Variants in TBC1D19 observed in about 807,000 individuals in gnomAD.
TBC1D19 encodes the protein TBC1 domain family, member 19.
A neutral mutation model predicts 89.0 loss-of-function variants in TBC1D19; 60 were observed. The ratio of observed to expected loss-of-function variants is 0.67; its 90% CI spans 0.55 to 0.84. The LOEUF (loss-of-function observed/expected upper bound fraction) is 0.84. TBC1D19 is among the 40% of genes least tolerant of loss of function. The pLI is 0.00. For synonymous variants in TBC1D19, 189 were observed against 199.7 expected (o/e 0.95, Z 0.45); for missense variants, 500 against 610.8 (o/e 0.82, Z 1.91).
chr4:26,836,740 C>T, the TBC1D19 span, among the ~76,000 whole-genome samples: 7 of 152,204 alleles, frequency 4.6e-5, no homozygotes, highest in Non-Finnish European at 1.0e-4. Flanking sequence ...CAGGCAGAGG[C>T]AGCAGCTTTC....
At chr4:26,588,138 A>G (rs13133205) in intron 1 of TBC1D19, among the ~76,000 whole-genome samples, 129,993 of 150,960 alleles carry the variant, frequency 0.86, 59,127 homozygotes, top group Non-Finnish European at 1. Context: ...CCATTCTTCT[A>G]CCTCAGCCTC....
chr4:26,827,376 A>G, the TBC1D19 span, among the ~76,000 whole-genome samples: 1 of 152,164 alleles, frequency 6.6e-6, no homozygotes, highest in East Asian at 1.9e-4. Context: ...AGGCCAAGGG[A>G]GGCAGATCAC....
Position 26,753,879 on chromosome 4 carries a change from G to A in TBC1D19, c.1495G>A (p.Ala499Thr). The change falls in exon 20 of 21, where the codon GCT (alanine) becomes ACT (threonine). Residue 499 changes from alanine to threonine, a missense_variant. Transcript: ENST00000264866. Reference protein sequence around the residue: ...AVNLMEVTSLAAAEAVLADLS... With the variant: ...AVNLMEVTSLTAAEAVLADLS... Reference sequence around the variant, plus strand: ...GAACCTGATGGAGGTGACATCACTGGCTGCAGCTGAAGTAAGGATAAGTTT... The same window carrying A: ...GAACCTGATGGAGGTGACATCACTGACTGCAGCTGAAGTAAGGATAAGTTT... 2.5e-6 allele frequency: 4 copies of A among 1,613,912 alleles called. No homozygotes were observed. The highest frequency in any genetic ancestry group is 1.1e-5 in the South Asian group (1 of 91,074).
At chr4:26,710,513 G>A (rs1344395468) in intron 13 of TBC1D19, among the ~76,000 whole-genome samples, 3 of 152,114 alleles carry the variant, frequency 2.0e-5, no homozygotes, top group African/African-American at 7.2e-5. Flanking sequence ...TGTCTTTATA[G>A]CAGCATGATT....
intron 18 of TBC1D19, among the ~76,000 whole-genome samples, chr4:26,744,283 TGGC>T (rs1211242037): frequency 1.3e-5 from 2 of 151,858 alleles, no homozygotes; most frequent in Non-Finnish European, 2.9e-5. Context: ...TTGATTATTC[TGGC>T]TGCAGGTTTA....
intron 18 of TBC1D19, among the ~76,000 whole-genome samples, chr4:26,747,276 G>A (rs751236606): frequency 1.3e-5 from 2 of 152,126 alleles, no homozygotes; most frequent in African/African-American, 2.4e-5. Flanking sequence ...GTAAAATGAA[G>A]CAAGCTGAAG....
At chr4:26,647,600 T>C (rs1349446001) in intron 7 of TBC1D19, among the ~76,000 whole-genome samples, 3 of 152,152 alleles carry the variant, frequency 2.0e-5, no homozygotes, top group Non-Finnish European at 4.4e-5. Context: ...TGGCTTCCCA[T>C]CTTATTCTAC....
chr4:26,579,883 C>T (rs940552376), upstream of TBC1D19, among the ~76,000 whole-genome samples: 6 of 152,068 alleles, frequency 3.9e-5, no homozygotes, highest in East Asian at 1.9e-4. Flanking sequence ...CTCGAGACTG[C>T]GGCGATAAGC....
At chr4:26,804,226 AC>A in the TBC1D19 span, among the ~76,000 whole-genome samples, 1 of 151,962 alleles carries the variant, frequency 6.6e-6, no homozygotes, top group African/African-American at 2.4e-5. Context: ...GCTCACTGCA[AC>A]CTCTGCCTCC....
upstream of TBC1D19, among the ~76,000 whole-genome samples, chr4:26,581,869 C>A (rs950656797): frequency 6.6e-6 from 1 of 151,980 alleles, no homozygotes; most frequent in African/African-American, 2.4e-5. Context: ...TTTGCTAAAT[C>A]GAATTGGAAA....
rs769124292 is a variant in TBC1D19 at position 26,673,424 on chromosome 4, C to CAT, written c.704-330_704-329dup. On this transcript the variant is annotated intron_variant, in intron 10 of 20. Coordinates refer to ENST00000264866, the MANE Select transcript of TBC1D19 (RefSeq NM_018317.4). ...TGATAATGGAATCTAAAAATTATTTCATATATATATATATATATATATACA... is the reference window on the plus strand; with the variant it reads ...TGATAATGGAATCTAAAAATTATTTCATATATATATATATATATATATATACA... Among the ~76,000 whole-genome samples, 393 of 106,022 alleles carry CAT rather than the reference C, an allele frequency of 3.7e-3. 11 individuals are homozygous for CAT. The East Asian group carries it at 0.059, about 16-fold the overall frequency. The allele number at this position is 106,022 out of a possible 152,430, so 69.6% of individuals were successfully genotyped here.
At chr4:26,616,430 G>A (rs181728384) in intron 3 of TBC1D19, among the ~76,000 whole-genome samples, 35 of 152,270 alleles carry the variant, frequency 2.3e-4, no homozygotes, top group African/African-American at 7.0e-4. Context: ...CACATCAAGG[G>A]TGGGGAAGAA....
the TBC1D19 span, among the ~76,000 whole-genome samples, chr4:26,775,068 T>C: frequency 6.6e-6 from 1 of 152,370 alleles, no homozygotes; most frequent in Non-Finnish European, 1.5e-5. Flanking sequence ...TTTCGTATGT[T>C]AGTATTGAGA....
chr4:26,656,537 T>G (rs558568054), intron 7 of TBC1D19, among the ~76,000 whole-genome samples: 1 of 152,236 alleles, frequency 6.6e-6, no homozygotes, highest in African/African-American at 2.4e-5. Context: ...AAATGGTATG[T>G]CAGTATCTAA....
At chr4:26,774,599 T>G in the TBC1D19 span, among the ~76,000 whole-genome samples, 2 of 152,348 alleles carry the variant, frequency 1.3e-5, no homozygotes, top group South Asian at 4.1e-4. Flanking sequence ...CAATTTTGGA[T>G]TGTTATACTA....
chr4:26,724,756 G>C (rs1273464316), intron 15 of TBC1D19, among the ~76,000 whole-genome samples: 1 of 152,170 alleles, frequency 6.6e-6, no homozygotes, highest in African/African-American at 2.4e-5. Flanking sequence ...AAGGCAGTCA[G>C]AAGTGGGAGC....
intron 7 of TBC1D19, among the ~76,000 whole-genome samples, chr4:26,646,189 A>G (rs558733033): frequency 2.0e-5 from 3 of 151,940 alleles, no homozygotes; most frequent in Admixed American, 6.6e-5. Context: ...GAAGACATTT[A>G]TGCAGCCAAC....
At chr4:26,704,526 G>A (rs1463733260) in intron 13 of TBC1D19, among the ~76,000 whole-genome samples, 1 of 152,090 alleles carries the variant, frequency 6.6e-6, no homozygotes, top group African/African-American at 2.4e-5. Context: ...GAGTTAAAAA[G>A]GTCCAAATGT....
chr4:26,730,532 A>G (rs1717593826), intron 15 of TBC1D19, among the ~76,000 whole-genome samples: 1 of 152,202 alleles, frequency 6.6e-6, no homozygotes, highest in South Asian at 2.1e-4. Context: ...CACCTACCAT[A>G]AGTCAAAATA....
Sources: allele counts gnomAD v4.1 joint callset (sites outside exome capture counted in the v4.1 genomes callset), GRCh38; gene constraint gnomAD v4.1.1; transcripts MANE v1.5; gene names NCBI Gene and HGNC (gene_info 2026-07-23, HGNC 2026-07-21).